The following TENM3 variants were observed in gnomAD, a reference collection of about 807,000 sequenced individuals.
TENM3 encodes the protein teneurin transmembrane protein 3.
TENM3 carries 63 observed loss-of-function variants against 255.1 expected under a neutral mutation model. The observed-to-expected ratio is 0.25, with a 90% CI of 0.20 to 0.30. TENM3 has a LOEUF of 0.30. Among genes scored for constraint, TENM3 ranks in the 10% least tolerant of loss-of-function variants. TENM3 has a pLI of 1.00. For synonymous variants in TENM3, 1,306 were observed against 1,322.3 expected (o/e 0.99, Z 0.27); for missense variants, 2,929 against 3,461.1 (o/e 0.85, Z 3.86).
chr4:182,680,443 G>GT lies in TENM3; in HGVS notation c.1639+94_1639+95insT. ...CTACCGAGACAGGAAAGAAAGGGGG[G>GT]GGGAGACTGGCATATTGCTTGTTCC... On this transcript the variant is annotated intron_variant, in intron 9 of 27. Transcript: ENST00000511685. The GT allele has an allele frequency of 9.3e-6, 13 of 1,393,442 alleles. 1 individual carries two copies. Among genetic ancestry groups the GT allele is most frequent in the South Asian group, 5.8e-5 (5 of 86,340 alleles). The allele number at this position is 1,393,442 out of a possible 1,614,324, so 86.3% of individuals were successfully genotyped here.
the TENM3 span, among the ~76,000 whole-genome samples, chr4:181,954,246 T>C: frequency 6.6e-6 from 1 of 152,204 alleles, no homozygotes; most frequent in South Asian, 2.1e-4. Flanking sequence ...TGTGTGCAAG[T>C]TTTTATAAGG....
the TENM3 span, among the ~76,000 whole-genome samples, chr4:181,641,368 G>T: frequency 4.8e-3 from 721 of 151,060 alleles, 2 homozygotes; most frequent in African/African-American, 0.017. Context: ...GGTGTGTGAC[G>T]TTCCCCTCCC....
At chr4:182,354,812 G>GT (rs1488225424) in intron 3 of TENM3, among the ~76,000 whole-genome samples, 1 of 152,168 alleles carries the variant, frequency 6.6e-6, no homozygotes, top group Non-Finnish European at 1.5e-5. Flanking sequence ...AACTAAAAAT[G>GT]TCTGATGACT....
At chr4:181,565,398 A>G in the TENM3 span, among the ~76,000 whole-genome samples, 94 of 152,368 alleles carry the variant, frequency 6.2e-4, no homozygotes, top group African/African-American at 2.1e-3. Flanking sequence ...GGATGGTTAC[A>G]ATATTGCCAG....
At chr4:181,486,376 G>A in the TENM3 span, among the ~76,000 whole-genome samples, 16,197 of 152,176 alleles carry the variant, frequency 0.11, 912 homozygotes, top group Middle Eastern at 0.21. Flanking sequence ...CTCAAACTGG[G>A]AAGAAGACAA....
chr4:182,066,572 TTAAAG>T, the TENM3 span, among the ~76,000 whole-genome samples: 2 of 118,282 alleles, frequency 1.7e-5, no homozygotes, highest in South Asian at 7.2e-4. Context: ...TTTGCACAAC[TTAAAG>T]TAAGAATTAT....
the TENM3 span, among the ~76,000 whole-genome samples, chr4:181,819,165 C>T: frequency 3.3e-5 from 5 of 152,244 alleles, 1 homozygote; most frequent in South Asian, 1.0e-3. Flanking sequence ...GATGTCTGCA[C>T]ACCTGTGGGA....
At chr4:182,351,092 C>T (rs201434795) in intron 3 of TENM3, among the ~76,000 whole-genome samples, 1 of 151,180 alleles carries the variant, frequency 6.6e-6, no homozygotes, top group Non-Finnish European at 1.5e-5. Context: ...GAACAAAGGG[C>T]TTTTTTTTAT....
the TENM3 span, among the ~76,000 whole-genome samples, chr4:181,850,803 C>T: frequency 6.6e-6 from 1 of 152,212 alleles, no homozygotes; most frequent in Admixed American, 6.5e-5. Context: ...CTTTGTTCCA[C>T]TGAGTGTTTT....
chr4:181,730,779 C>T, the TENM3 span, among the ~76,000 whole-genome samples: 1 of 152,148 alleles, frequency 6.6e-6, no homozygotes, highest in Non-Finnish European at 1.5e-5. Context: ...TCTAGTATGA[C>T]TTCTCCATGT....
intron 4 of TENM3, among the ~76,000 whole-genome samples, chr4:182,611,242 T>A (rs1481737195): frequency 2.0e-5 from 3 of 152,148 alleles, no homozygotes; most frequent in Non-Finnish European, 2.9e-5. Context: ...TATGTGTATT[T>A]ATTAAATTTT....
intron 22 of TENM3, among the ~76,000 whole-genome samples, chr4:182,771,236 G>A: frequency 6.6e-6 from 1 of 152,186 alleles, no homozygotes; most frequent in Non-Finnish European, 1.5e-5. Flanking sequence ...TTCTGCTTCA[G>A]ATTGAATGGG....
the TENM3 span, among the ~76,000 whole-genome samples, chr4:181,543,045 T>C: frequency 6.6e-6 from 1 of 152,186 alleles, no homozygotes; most frequent in Admixed American, 6.5e-5. Flanking sequence ...TGAGCAAGGA[T>C]GAATGCAAAC....
intron 24 of TENM3, among the ~76,000 whole-genome samples, chr4:182,784,720 G>T (rs1381440344): frequency 6.0e-5 from 9 of 150,744 alleles, no homozygotes; most frequent in Admixed American, 3.3e-4. Flanking sequence ...CGTGGGCGTA[G>T]GACCCTCCCA....
At chr4:182,262,329 A>C (rs1758855697) in intron 1 of TENM3, among the ~76,000 whole-genome samples, 1 of 152,224 alleles carries the variant, frequency 6.6e-6, no homozygotes, top group Admixed American at 6.5e-5. Context: ...GCTGGGCAAA[A>C]TGAGGCTGAA....
the TENM3 span, among the ~76,000 whole-genome samples, chr4:181,726,340 T>C: frequency 1.3e-5 from 2 of 152,172 alleles, no homozygotes; most frequent in Admixed American, 1.3e-4. Flanking sequence ...GTAATGAGTG[T>C]CTGCTGTTCC....
In TENM3 at chr4:182,161,598, T is replaced by TATATAC. The variant is rs1443557868; in HGVS notation, c.-76+16845_-76+16846insTATACA. 9.3e-3 allele frequency among the ~76,000 whole-genome samples: 957 copies of TATATAC among 102,908 alleles called. 41 individuals carry two copies. Among genetic ancestry groups the TATATAC allele is most frequent in the East Asian group, 0.057 (110 of 1,932 alleles). The allele number at this position is 102,908 out of a possible 152,430, so 67.5% of individuals were successfully genotyped here. On this transcript the variant is annotated intron_variant, in intron 1 of 2. Coordinates refer to the TENM3 transcript ENST00000512480. ...TTGAGGCTCAGTCCAAATATATATATACATATATATATATGTATATATATA... is the reference window on the plus strand; with the variant it reads ...TTGAGGCTCAGTCCAAATATATATATATATACACATATATATATATGTATATATATA...
At position 182,734,946 on chromosome 4, in the gene TENM3, A is replaced by G. The variant is rs562646500; in HGVS notation, c.2968-1862A>G. Among the ~76,000 whole-genome samples the G allele has an allele frequency of 4.6e-5, 7 of 152,298 alleles. No individual in the cohort carries two copies. In the South Asian group the frequency reaches 1.4e-3, roughly 32 times the overall value. On this transcript the variant is annotated intron_variant, in intron 16 of 27. Transcript: ENST00000511685. ...GTCAAATGTATCGGAAATTATTTTG[A>G]AAATAAGAGGAAGCAAATGATGGGC...
At chr4:181,459,235 TA>T in the TENM3 span, among the ~76,000 whole-genome samples, 1 of 151,878 alleles carries the variant, frequency 6.6e-6, no homozygotes, top group African/African-American at 2.4e-5. Flanking sequence ...TTTGCCCATT[TA>T]AAAAATATAT....
Sources: gnomAD v4.1 joint callset for allele counts (sites outside exome capture counted in the v4.1 genomes callset) on GRCh38, gnomAD v4.1.1 for gene constraint, MANE v1.5 for transcripts, NCBI Gene and HGNC (gene_info 2026-07-23, HGNC 2026-07-21) for gene names.